The following IPCEF1 variants were observed in gnomAD, a reference collection of about 807,000 sequenced individuals.
IPCEF1 encodes the protein interaction protein for cytohesin exchange factors 1.
A neutral mutation model predicts 50.9 loss-of-function variants in IPCEF1; 31 were observed. The observed-to-expected ratio is 0.61, with a 90% CI of 0.46 to 0.82. IPCEF1 has a LOEUF of 0.82. Ranked by LOEUF, IPCEF1 falls within the 40% of genes least tolerant of loss-of-function variation. IPCEF1 has a pLI of 0.00. For synonymous variants in IPCEF1, 181 were observed against 192.0 expected, an observed-to-expected ratio of 0.94 and a Z score of 0.47; for missense variants, 458 against 514.0, an observed-to-expected ratio of 0.89 and a Z score of 1.05.
intron 1 of IPCEF1, among the ~76,000 whole-genome samples, chr6:154,318,571 G>C (rs1269942832): frequency 6.6e-6 from 1 of 151,684 alleles, no homozygotes; most frequent in African/African-American, 2.4e-5. Context: ...TATTTTCTTG[G>C]CCGGGTGTGG....
At chr6:154,286,190 T>C (rs934337985) in intron 2 of IPCEF1, among the ~76,000 whole-genome samples, 4 of 149,078 alleles carry the variant, frequency 2.7e-5, no homozygotes, top group Non-Finnish European at 4.5e-5. Flanking sequence ...AGGGCCTGTC[T>C]GGGGGTGGGG....
chr6:154,261,476 C>T (rs1384122068), intron 3 of IPCEF1, among the ~76,000 whole-genome samples: 1 of 152,146 alleles, frequency 6.6e-6, no homozygotes, highest in Admixed American at 6.6e-5. Flanking sequence ...GACAAAAGCC[C>T]AGGGGAAGAG....
At chr6:154,207,141 A>G (rs1339989651) in intron 9 of IPCEF1, among the ~76,000 whole-genome samples, 1 of 152,230 alleles carries the variant, frequency 6.6e-6, no homozygotes, top group Non-Finnish European at 1.5e-5. Flanking sequence ...GAGGGCCTCA[A>G]CTAGGCAGTG....
In IPCEF1 at chr6:154,159,618, T is replaced by A; in HGVS notation, c.*210A>T. 1.8e-6 allele frequency: 1 copy of A among 564,644 alleles called. No homozygotes were observed. Among genetic ancestry groups the A allele is most frequent in the Non-Finnish European group, 3.1e-6 (1 of 325,332 alleles). 35.0% of individuals were successfully genotyped at this position (564,644 alleles called of 1,614,324 possible). On this transcript the variant is annotated 3_prime_UTR_variant, in exon 12 of 12. Transcript: ENST00000367220. ...AAAAACGCCTTTCAACTGAACTCAA[T>A]CATTCCAATCTCAATGGATGCGTTA...
At chr6:154,253,263 C>G (rs1431980947) in intron 3 of IPCEF1, among the ~76,000 whole-genome samples, 3 of 152,096 alleles carry the variant, frequency 2.0e-5, no homozygotes, top group Non-Finnish European at 4.4e-5. Flanking sequence ...GTCTCGAAAT[C>G]ATAGGCCCAA....
chr6:154,274,099 A>G (rs1781980625), intron 2 of IPCEF1, among the ~76,000 whole-genome samples: 1 of 149,902 alleles, frequency 6.7e-6, no homozygotes, highest in South Asian at 2.1e-4. Flanking sequence ...TCTGATTCCA[A>G]TCCATTTTCT....
At chr6:154,277,791 C>G (rs1010931783) in intron 2 of IPCEF1, among the ~76,000 whole-genome samples, 1 of 152,136 alleles carries the variant, frequency 6.6e-6, no homozygotes, top group Non-Finnish European at 1.5e-5. Context: ...CCTTTATAGA[C>G]TTTGCCTGTG....
intron 1 of IPCEF1, among the ~76,000 whole-genome samples, chr6:154,296,483 CTCTG>C (rs1222648617): frequency 1.8e-4 from 28 of 152,284 alleles, no homozygotes; most frequent in African/African-American, 6.7e-4. Flanking sequence ...CCAGGAAAAA[CTCTG>C]TCTGTATCTC....
chr6:154,346,411 C>T (rs1364398911), intron 1 of IPCEF1, among the ~76,000 whole-genome samples: 1 of 152,016 alleles, frequency 6.6e-6, no homozygotes, highest in Non-Finnish European at 1.5e-5. Context: ...AAAGTGTTTG[C>T]CTAAAGAGAT....
chr6:154,247,616 A>C (rs1781166019), intron 3 of IPCEF1, 128 bp from the exon 4 acceptor site: 1 of 684,756 alleles, frequency 1.5e-6, no homozygotes, highest in South Asian at 1.9e-5. Context: ...CTCTCCAGGC[A>C]GAGCTTAACG....
At chr6:154,276,781 A>G (rs1782074255) in intron 2 of IPCEF1, among the ~76,000 whole-genome samples, 1 of 152,218 alleles carries the variant, frequency 6.6e-6, no homozygotes, top group South Asian at 2.1e-4. Context: ...TAGAGAATGA[A>G]TGAGTCTAAT....
intron 5 of IPCEF1, among the ~76,000 whole-genome samples, chr6:154,224,968 C>T (rs1183796469): frequency 1.3e-5 from 2 of 152,152 alleles, no homozygotes; most frequent in Non-Finnish European, 2.9e-5. Flanking sequence ...CCTGTGGATT[C>T]TCAATCCGCC....
intron 10 of IPCEF1, among the ~76,000 whole-genome samples, chr6:154,174,116 A>C (rs1351424405): frequency 6.6e-6 from 1 of 152,214 alleles, no homozygotes; most frequent in Non-Finnish European, 1.5e-5. Flanking sequence ...ACAGACAAGC[A>C]AATGCTGAGA....
chr6:154,223,988 A>G (rs1303439365), intron 5 of IPCEF1, among the ~76,000 whole-genome samples: 1 of 152,124 alleles, frequency 6.6e-6, no homozygotes, highest in Non-Finnish European at 1.5e-5. Context: ...TCACTGTCCC[A>G]CCTCTCTAAG....
intron 1 of IPCEF1, among the ~76,000 whole-genome samples, chr6:154,344,191 C>A (rs1222607068): frequency 1.3e-5 from 2 of 152,164 alleles, no homozygotes; most frequent in Non-Finnish European, 2.9e-5. Context: ...TTCTTTCTTT[C>A]TTCTCCCTTT....
intron 1 of IPCEF1, among the ~76,000 whole-genome samples, chr6:154,345,467 C>T (rs1314547035): frequency 6.6e-6 from 1 of 152,064 alleles, no homozygotes; most frequent in African/African-American, 2.4e-5. Flanking sequence ...TCCAGGACCA[C>T]GAAGCACCAA....
chr6:154,333,005 C>G (rs1328057683), intron 1 of IPCEF1, among the ~76,000 whole-genome samples: 1 of 152,108 alleles, frequency 6.6e-6, no homozygotes. Flanking sequence ...TTTTTACCCC[C>G]AATTTACTCC....
chr6:154,222,383 A>G (rs1006935561), intron 6 of IPCEF1, among the ~76,000 whole-genome samples: 2 of 152,336 alleles, frequency 1.3e-5, no homozygotes, highest in South Asian at 4.1e-4. Flanking sequence ...TTAAAAGAAA[A>G]CTACTCAATT....
intron 2 of IPCEF1, among the ~76,000 whole-genome samples, chr6:154,282,424 T>A (rs867991466): frequency 1.3e-5 from 2 of 152,190 alleles, no homozygotes; most frequent in Admixed American, 6.5e-5. Context: ...GGCTCACGCC[T>A]GTAATCCCAG....
Sources: gnomAD v4.1 joint callset for allele counts (sites outside exome capture counted in the v4.1 genomes callset) on GRCh38, gnomAD v4.1.1 for gene constraint, MANE v1.5 for transcripts, NCBI Gene and HGNC (gene_info 2026-07-23, HGNC 2026-07-21) for gene names.